MEIKIN: variants seen among roughly 807,000 people sequenced by gnomAD.
MEIKIN encodes meiotic kinetochore factor.
intron 9 of MEIKIN, among the ~76,000 whole-genome samples, chr5:131,874,960 C>A (rs564475574): frequency 1.3e-5 from 2 of 152,186 alleles, no homozygotes; most frequent in Admixed American, 6.5e-5. Context: ...ATGCTAAAAA[C>A]TCTCAATAAA....
rs140216122 is a variant in MEIKIN, at chr5:131,937,118, T to A, written c.350-3477A>T. 2.5e-4 allele frequency among the ~76,000 whole-genome samples: 38 copies of A among 152,302 alleles called. No homozygotes were observed. In the East Asian group the frequency reaches 7.2e-3, roughly 29 times the overall value. On this transcript the variant is annotated intron_variant, in intron 4 of 12. Transcript: ENST00000442687. ...TCCTAAGAAATTCACATATTTCCTG[T>A]ATTAGATAAGAGACTCTGATTCCTA...
chr5:131,843,097 T>C (rs2149612110), intron 11 of MEIKIN, among the ~76,000 whole-genome samples: 1 of 152,352 alleles, frequency 6.6e-6, no homozygotes, highest in Middle Eastern at 3.4e-3. Flanking sequence ...TTGGCCCCTT[T>C]TGGCCATGGA....
At chr5:131,938,741 A>C (rs1413064037) in intron 4 of MEIKIN, among the ~76,000 whole-genome samples, 2 of 152,208 alleles carry the variant, frequency 1.3e-5, no homozygotes, top group African/African-American at 4.8e-5. Flanking sequence ...GATATTAATG[A>C]AACTGTGGCT....
At chr5:131,810,995 C>G (rs1772942479) in intron 12 of MEIKIN, among the ~76,000 whole-genome samples, 1 of 152,134 alleles carries the variant, frequency 6.6e-6, no homozygotes, top group Non-Finnish European at 1.5e-5. Flanking sequence ...CACTAGTTAG[C>G]TTGGTGCTTT....
At chr5:131,898,435 G>C (rs921565521) in intron 8 of MEIKIN, among the ~76,000 whole-genome samples, 2 of 152,346 alleles carry the variant, frequency 1.3e-5, no homozygotes, top group East Asian at 3.9e-4. Flanking sequence ...ACGCTGTGCT[G>C]GGAGAACTGC....
In MEIKIN at chr5:131,854,814, A is replaced by G; in HGVS notation, c.795T>C (p.Pro265=). Residue 265 remains proline (P), a synonymous_variant, in exon 10 of 13, where the codon CCT becomes CCC. Transcript: ENST00000442687. ...TTAAAAGGCCTCTGTTTTTCTTACCAGGAGTACTGGAATTTGTTTTCTATA... is the reference window on the plus strand; with the variant it reads ...TTAAAAGGCCTCTGTTTTTCTTACCGGGAGTACTGGAATTTGTTTTCTATA... ...TKKKKTNSST[P]GKKNRGLLTS... is the part of the protein sequence containing the mutation. The G allele has an allele frequency of 2.5e-6, 1 of 397,856 alleles. No individual in the cohort carries two copies. Among genetic ancestry groups the G allele is most frequent in the Middle Eastern group, 6.3e-4 (1 of 1,582 alleles). 24.6% of individuals were successfully genotyped at this position (397,856 alleles called of 1,614,324 possible).
At chr5:131,891,472 TG>T (rs1750915464) in intron 8 of MEIKIN, among the ~76,000 whole-genome samples, 1 of 152,250 alleles carries the variant, frequency 6.6e-6, no homozygotes, top group Non-Finnish European at 1.5e-5. Context: ...CATTATGTAA[TG>T]GCCTCCTTTG....
intron 8 of MEIKIN, among the ~76,000 whole-genome samples, chr5:131,911,287 A>G (rs1029825268): frequency 3.9e-5 from 6 of 152,100 alleles, no homozygotes; most frequent in Admixed American, 6.6e-5. Context: ...AAAATCAGCA[A>G]TTCTTCAAGT....
intron 12 of MEIKIN, among the ~76,000 whole-genome samples, chr5:131,814,961 T>C (rs1773075091): frequency 6.6e-6 from 1 of 152,192 alleles, no homozygotes; most frequent in African/African-American, 2.4e-5. Flanking sequence ...TTCCTCTGGG[T>C]GCTCAGTCAG....
rs1176140463 is a variant in MEIKIN at position 131,935,265 on chromosome 5, T to C, written c.350-1624A>G. Among the ~76,000 whole-genome samples, 6 of 15,000 alleles carry C rather than the reference T, an allele frequency of 4.0e-4. No individual in the cohort carries two copies. In the East Asian group the frequency reaches 8.1e-3, roughly 20 times the overall value. The allele number at this position is 15,000 out of a possible 152,430, so 9.8% of individuals were successfully genotyped here. Reference sequence around the variant, plus strand: ...GAGCAACATAGTGGAACCCCGTCTCTACAAAAAAAAAAAAAAAAAAAAAAG... The same window carrying C: ...GAGCAACATAGTGGAACCCCGTCTCCACAAAAAAAAAAAAAAAAAAAAAAG... On this transcript the variant is annotated intron_variant, in intron 4 of 12. Coordinates refer to ENST00000442687, the MANE Select transcript of MEIKIN (RefSeq NM_001303622.2).
At chr5:131,900,203 A>T (rs575411986) in intron 8 of MEIKIN, among the ~76,000 whole-genome samples, 2 of 152,364 alleles carry the variant, frequency 1.3e-5, no homozygotes, top group East Asian at 3.9e-4. Context: ...AAGTTGGCTG[A>T]CTAGACACAG....
chr5:131,922,860 C>G lies in MEIKIN; in HGVS notation c.479-919G>C, dbSNP rs148836242. Among the ~76,000 whole-genome samples, 970 of 152,222 alleles carry G rather than the reference C, an allele frequency of 6.4e-3. 3 individuals are homozygous for G. Among genetic ancestry groups the G allele is most frequent in the Non-Finnish European group, 0.011 (715 of 67,986 alleles). Reference sequence around the variant, plus strand: ...CCTTTTGTTTTTCCTGGAGTCAATACAAGTCCCTTTCCTCATCTGTTTAGT... The same window carrying G: ...CCTTTTGTTTTTCCTGGAGTCAATAGAAGTCCCTTTCCTCATCTGTTTAGT... On this transcript the variant is annotated intron_variant, in intron 5 of 12. Transcript: ENST00000442687.
At chr5:131,869,264 C>T (rs1750443410) in intron 9 of MEIKIN, among the ~76,000 whole-genome samples, 1 of 152,158 alleles carries the variant, frequency 6.6e-6, no homozygotes, top group Non-Finnish European at 1.5e-5. Flanking sequence ...GCCTTTGCTC[C>T]TTTGTCAAAG....
chr5:131,839,890 CATG>C (rs1336500922), intron 11 of MEIKIN, among the ~76,000 whole-genome samples: 1 of 152,106 alleles, frequency 6.6e-6, no homozygotes, highest in African/African-American at 2.4e-5. Flanking sequence ...ATCCTGTCAT[CATG>C]ATGTTATCTG....
chr5:131,870,901 A>T (rs4705903), intron 9 of MEIKIN, among the ~76,000 whole-genome samples: 12 of 151,958 alleles, frequency 7.9e-5, no homozygotes, highest in African/African-American at 1.7e-4. Flanking sequence ...GTGACAATCT[A>T]GTGTAGTAGA....
intron 8 of MEIKIN, among the ~76,000 whole-genome samples, chr5:131,907,071 C>A: frequency 6.6e-6 from 1 of 151,916 alleles, no homozygotes. Flanking sequence ...GAAAATTAAA[C>A]AATATGCTCC....
At chr5:131,913,030 T>C (rs1030423485) in intron 7 of MEIKIN, among the ~76,000 whole-genome samples, 3 of 152,248 alleles carry the variant, frequency 2.0e-5, no homozygotes, top group African/African-American at 7.2e-5. Context: ...GATATAGTTA[T>C]GTGCCATTGG....
At chr5:131,893,548 C>T (rs982903833) in intron 8 of MEIKIN, among the ~76,000 whole-genome samples, 1 of 152,220 alleles carries the variant, frequency 6.6e-6, no homozygotes, top group Non-Finnish European at 1.5e-5. Context: ...CCGGGTGAGG[C>T]GATGCCTCGC....
At chr5:131,938,974 C>T (rs1241191055) in intron 4 of MEIKIN, among the ~76,000 whole-genome samples, 1 of 152,198 alleles carries the variant, frequency 6.6e-6, no homozygotes, top group Non-Finnish European at 1.5e-5. Flanking sequence ...CCAGTCTTCT[C>T]CTGGGGACAG....
Sources: gnomAD v4.1 joint callset for allele counts (sites outside exome capture counted in the v4.1 genomes callset) on GRCh38, gnomAD v4.1.1 for gene constraint, MANE v1.5 for transcripts, NCBI Gene and HGNC (gene_info 2026-07-23, HGNC 2026-07-21) for gene names.